Variants in PRKN observed in about 807,000 individuals in gnomAD.
PRKN encodes parkin RBR E3 ubiquitin protein ligase.
A neutral mutation model predicts 59.5 loss-of-function variants in PRKN; 56 were observed. That is an observed-to-expected ratio of 0.94 (90% CI 0.76 to 1.18). The LOEUF is 1.18. PRKN is among the 50% of genes most tolerant of loss of function. The pLI, the probability that PRKN is intolerant of heterozygous loss-of-function variation, is 0.00. For missense variants in PRKN, 657 were observed against 596.4 expected (o/e 1.10, Z -1.06); for synonymous variants, 250 against 222.1 (o/e 1.13, Z -1.12).
chr6:161,732,926 T>G (rs1214422295), intron 7 of PRKN, among the ~76,000 whole-genome samples: 1 of 152,200 alleles, frequency 6.6e-6, no homozygotes, highest in Non-Finnish European at 1.5e-5. Flanking sequence ...TGGAGATCTC[T>G]AATGTTGCCC....
intron 7 of PRKN, among the ~76,000 whole-genome samples, chr6:161,759,173 A>T (rs199544147): frequency 3.5e-4 from 1 of 2,844 alleles, no homozygotes. Flanking sequence ...GAGACTGTTT[A>T]AAAAAAAAAA....
chr6:161,928,609 T>A (rs765997921), intron 6 of PRKN, among the ~76,000 whole-genome samples: 1 of 152,142 alleles, frequency 6.6e-6, no homozygotes, highest in Non-Finnish European at 1.5e-5. Context: ...TCAGAATATA[T>A]AACATATAAC....
chr6:162,173,505 G>C (rs1480225723), intron 4 of PRKN, among the ~76,000 whole-genome samples: 1 of 150,368 alleles, frequency 6.7e-6, no homozygotes, highest in Non-Finnish European at 1.5e-5. Context: ...GTGCGTCCTG[G>C]ACATTTTCAG....
intron 4 of PRKN, among the ~76,000 whole-genome samples, chr6:162,195,766 A>C (rs1413486182): frequency 6.6e-6 from 1 of 152,076 alleles, no homozygotes; most frequent in Non-Finnish European, 1.5e-5. Context: ...AAGACCAATA[A>C]ACTGAGTACA....
At chr6:161,845,238 GAGCCCCTGGCCAGT>G (rs1793151723) in intron 6 of PRKN, among the ~76,000 whole-genome samples, 2 of 152,180 alleles carry the variant, frequency 1.3e-5, no homozygotes, top group South Asian at 4.1e-4. Flanking sequence ...AGGACAGCAA[GAGCCCCTGGCCAGT>G]AGCCTCTAGG....
At chr6:162,260,526 G>A (rs1450012592) in intron 3 of PRKN, among the ~76,000 whole-genome samples, 1 of 151,960 alleles carries the variant, frequency 6.6e-6, no homozygotes, top group Non-Finnish European at 1.5e-5. Context: ...AAAATATTAT[G>A]GTCTAGAGAG....
At chr6:162,194,559 T>A (rs1784417994) in intron 4 of PRKN, among the ~76,000 whole-genome samples, 1 of 152,158 alleles carries the variant, frequency 6.6e-6, no homozygotes, top group African/African-American at 2.4e-5. Flanking sequence ...ATGGTTTCGA[T>A]CAACCGTCTT....
At chr6:162,166,741 A>G (rs930034963) in intron 4 of PRKN, among the ~76,000 whole-genome samples, 2 of 152,174 alleles carry the variant, frequency 1.3e-5, no homozygotes, top group Non-Finnish European at 2.9e-5. Flanking sequence ...CTCTATCAAA[A>G]AGCAATCCTT....
intron 6 of PRKN, among the ~76,000 whole-genome samples, chr6:161,863,830 C>T (rs1328422622): frequency 1.3e-5 from 2 of 152,058 alleles, no homozygotes; most frequent in African/African-American, 4.8e-5. Flanking sequence ...AAAGTGAGTC[C>T]CATGAATGTT....
chr6:162,714,192 G>A (rs1055421621), intron 1 of PRKN, among the ~76,000 whole-genome samples: 24 of 152,130 alleles, frequency 1.6e-4, no homozygotes, highest in South Asian at 4.1e-4. Flanking sequence ...CTTGCTTACC[G>A]TAAACAGACG....
At chr6:161,611,816 A>G (rs1012480870) in intron 7 of PRKN, among the ~76,000 whole-genome samples, 3 of 152,216 alleles carry the variant, frequency 2.0e-5, no homozygotes, top group African/African-American at 4.8e-5. Flanking sequence ...AAGGCATGTC[A>G]AGTTCTAGAT....
chr6:161,813,174 G>A (rs909321287), intron 6 of PRKN, among the ~76,000 whole-genome samples: 4 of 152,236 alleles, frequency 2.6e-5, no homozygotes, highest in Non-Finnish European at 5.9e-5. Context: ...CAGGAAGACA[G>A]TTGGATTTCC....
chr6:162,159,363 A>T (rs912084100), intron 4 of PRKN, among the ~76,000 whole-genome samples: 12 of 152,198 alleles, frequency 7.9e-5, no homozygotes, highest in African/African-American at 2.7e-4. Flanking sequence ...ATTTAATTTT[A>T]AAAATAACAT....
rs60414258 is a variant in PRKN at position 161,544,505 on chromosome 6, TATTCATTCATTC to T, written c.1083+4337_1083+4348del. Among the ~76,000 whole-genome samples the T allele has an allele frequency of 1.4e-3, 169 of 122,864 alleles. 1 individual carries two copies. Among genetic ancestry groups the T allele is most frequent in the East Asian group, 4.6e-3 (11 of 2,396 alleles). 80.6% of individuals were successfully genotyped at this position (122,864 alleles called of 152,430 possible). Reference sequence around the variant, plus strand: ...TTAAGATTCACTCAACCATTTATTTTATTCATTCATTCATTCATTCATTCATTCATTCATTCA... The same window carrying T: ...TTAAGATTCACTCAACCATTTATTTTATTCATTCATTCATTCATTCATTCA... On this transcript the variant is annotated intron_variant, in intron 9 of 11. Coordinates refer to ENST00000366898, the MANE Select transcript of PRKN (RefSeq NM_004562.3). This position sits in a 1 kb window ranked among gnomAD's most constrained non-coding sequence, Gnocchi z 5.5.
chr6:161,860,585 T>C (rs75060091), intron 6 of PRKN, among the ~76,000 whole-genome samples: 2 of 152,136 alleles, frequency 1.3e-5, no homozygotes, highest in African/African-American at 2.4e-5. Flanking sequence ...TTTTAAAACC[T>C]TGGAGTCTGT....
At chr6:161,574,470 C>G (rs374967385) in intron 7 of PRKN, among the ~76,000 whole-genome samples, 1 of 152,242 alleles carries the variant, frequency 6.6e-6, no homozygotes, top group East Asian at 1.9e-4. Flanking sequence ...TGCGTTGACT[C>G]TTAATGACTG....
intron 7 of PRKN, among the ~76,000 whole-genome samples, chr6:161,740,047 G>A (rs1034413367): frequency 1.3e-5 from 2 of 152,100 alleles, no homozygotes; most frequent in South Asian, 2.1e-4. Flanking sequence ...GAGCCACTGC[G>A]CCCGGCCAAC....
At chr6:161,699,918 C>G (rs1478350957) in intron 7 of PRKN, among the ~76,000 whole-genome samples, 1 of 152,138 alleles carries the variant, frequency 6.6e-6, no homozygotes, top group African/African-American at 2.4e-5. Flanking sequence ...TGTCCATTAT[C>G]TACAACTTTG....
intron 6 of PRKN, among the ~76,000 whole-genome samples, chr6:161,928,613 A>AT (rs1217777398): frequency 1.3e-5 from 2 of 152,328 alleles, no homozygotes; most frequent in African/African-American, 4.8e-5. Flanking sequence ...AATATATAAC[A>AT]TATAACAAGA....
Sources: gnomAD v4.1 joint callset for allele counts (sites outside exome capture counted in the v4.1 genomes callset) on GRCh38, gnomAD v4.1.1 for gene constraint, Gnocchi (gnomAD v3.1) non-coding constraint, MANE v1.5 for transcripts, NCBI Gene and HGNC (gene_info 2026-07-23, HGNC 2026-07-21) for gene names.